NSUN7: variants seen among roughly 807,000 people sequenced by gnomAD.
NSUN7 encodes the protein protein NSUN7.
NSUN7 carries 39 observed loss-of-function variants against 58.5 expected under a neutral mutation model. The observed-to-expected ratio is 0.67, with a 90% confidence interval of 0.52 to 0.87. NSUN7 has a LOEUF of 0.87. Ranked by LOEUF, NSUN7 falls within the 40% of genes least tolerant of loss-of-function variation. The pLI is 0.00. For synonymous variants in NSUN7, 278 were observed against 303.7 expected, an observed-to-expected ratio of 0.92 and a Z score of 0.88; for missense variants, 765 against 844.1, an observed-to-expected ratio of 0.91 and a Z score of 1.16.
chr4:40,795,996 A>G (rs1233051161), intron 9 of NSUN7, among the ~76,000 whole-genome samples: 1 of 152,176 alleles, frequency 6.6e-6, no homozygotes, highest in Non-Finnish European at 1.5e-5. Flanking sequence ...CTTTGACCAG[A>G]GCAACAAGGG....
intron 9 of NSUN7, 50 bp from the exon 10 acceptor site, chr4:40,798,737 T>C (rs527259578): frequency 9.7e-7 from 1 of 1,032,674 alleles, no homozygotes; most frequent in South Asian, 1.4e-5. Flanking sequence ...CACATTTGTA[T>C]AGGATTGTTA....
At chr4:40,757,298 G>A (rs551244984) in intron 2 of NSUN7, among the ~76,000 whole-genome samples, 16 of 152,084 alleles carry the variant, frequency 1.1e-4, no homozygotes, top group African/African-American at 3.4e-4. Context: ...TATAAAATAG[G>A]CTTTGTGTTG....
chr4:40,751,466 G>A lies in NSUN7; in HGVS notation c.298+475G>A, dbSNP rs116399248. On this transcript the variant is annotated intron_variant, in intron 2 of 11. Transcript: ENST00000381782. ...CCATTCCCTGTGTTTACCTTTTTTGGTATTTTAGTTTATGAGCTTTCACAA... is the reference window on the plus strand; with the variant it reads ...CCATTCCCTGTGTTTACCTTTTTTGATATTTTAGTTTATGAGCTTTCACAA... Among the ~76,000 whole-genome samples, 275 of 152,020 alleles carry A rather than the reference G, an allele frequency of 1.8e-3. 3 individuals carry two copies. The highest frequency in any genetic ancestry group is 6.3e-3 in the African/African-American group (262 of 41,460).
At chr4:40,777,960 T>C (rs980673774) in intron 7 of NSUN7, among the ~76,000 whole-genome samples, 4 of 152,236 alleles carry the variant, frequency 2.6e-5, no homozygotes, top group African/African-American at 9.6e-5. Context: ...TGTCAAATTT[T>C]AGAATTTTAG....
chr4:40,752,754 C>G (rs1261673570), intron 2 of NSUN7, among the ~76,000 whole-genome samples: 2 of 13,814 alleles, frequency 1.4e-4, no homozygotes, highest in African/African-American at 1.8e-3. Context: ...AAAAAAAATG[C>G]TCAGTTGAAT....
At chr4:40,793,864 TA>T (rs1294587995) in intron 8 of NSUN7, among the ~76,000 whole-genome samples, 2 of 152,214 alleles carry the variant, frequency 1.3e-5, no homozygotes, top group Non-Finnish European at 2.9e-5. Flanking sequence ...TTTCAAAAAT[TA>T]AAAAATGTAA....
At chr4:40,754,302 A>G (rs1309123846) in intron 2 of NSUN7, among the ~76,000 whole-genome samples, 2 of 152,010 alleles carry the variant, frequency 1.3e-5, no homozygotes, top group Admixed American at 6.6e-5. Context: ...ACCTGCCACC[A>G]TGCCCAGCTA....
Position 40,774,920 on chromosome 4 carries a change from T to C in NSUN7, c.795T>C (p.Asp265=). ...TTAAAAATGATCTTATAAATATAGA[T>C]CTTTTCAAAGATTACAAACTTATAT... is the stretch of plus-strand genomic sequence containing the variant. ...SHLKNDLINI[D]LFKDYKLIFQ... is the part of the protein sequence containing the mutation. The change falls in exon 6 of 12, where the codon GAT becomes GAC. Residue 265 remains aspartate, a synonymous_variant. Transcript: ENST00000381782. 1 of 1,218,220 alleles carries C rather than the reference T, an allele frequency of 8.2e-7. No homozygotes were observed. The highest frequency in any genetic ancestry group is 1.2e-6 in the Non-Finnish European group (1 of 831,692). The allele number at this position is 1,218,220 out of a possible 1,614,324, so 75.5% of individuals were successfully genotyped here.
chr4:40,774,546 G>C, intron 5 of NSUN7, 129 bp downstream of exon 5: 1 of 911,040 alleles, frequency 1.1e-6, no homozygotes, highest in Non-Finnish European at 1.7e-6. Context: ...TCAGAGTTAA[G>C]TTCCAGAGCT....
intron 10 of NSUN7, among the ~76,000 whole-genome samples, chr4:40,802,947 C>T (rs1371613891): frequency 8.8e-6 from 1 of 113,842 alleles, no homozygotes; most frequent in Non-Finnish European, 1.7e-5. Flanking sequence ...TCCCCCCACC[C>T]CACAACAGTC....
In NSUN7 at chr4:40,775,904, TAGAC is replaced by T; in HGVS notation, c.826-143_826-140del. 2.0e-6 allele frequency: 1 copy of T among 508,758 alleles called. No homozygotes were observed. The highest frequency in any genetic ancestry group is 3.4e-6 in the Non-Finnish European group (1 of 290,530). 31.5% of individuals were successfully genotyped at this position (508,758 alleles called of 1,614,324 possible). A position where few individuals can be genotyped will look rare whatever the true frequency, so the allele number is the denominator to read the frequency against. ...CAGTTGTCTTTGTTAACTCTTTACTTAGACATATATTAAGATGTTAAAACTAAAA... is the reference window on the plus strand; with the variant it reads ...CAGTTGTCTTTGTTAACTCTTTACTTATATATTAAGATGTTAAAACTAAAA... On this transcript the variant is annotated intron_variant, in intron 6 of 11. Transcript: ENST00000381782. This position sits in a 1 kb window ranked among gnomAD's most constrained non-coding sequence, Gnocchi z 4.3.
chr4:40,751,616 A>G (rs1326589369), intron 2 of NSUN7, among the ~76,000 whole-genome samples: 1 of 152,216 alleles, frequency 6.6e-6, no homozygotes, highest in East Asian at 1.9e-4. Context: ...ATTCATAGCC[A>G]CTAGCTTTAA....
chr4:40,752,816 CAG>C (rs1185464035), intron 2 of NSUN7, among the ~76,000 whole-genome samples: 9 of 7,910 alleles, frequency 1.1e-3, no homozygotes, highest in African/African-American at 2.6e-3. Flanking sequence ...TGGTTGTCTG[CAG>C]AGAGTCTCTT....
At chr4:40,798,442 C>T (rs572749633) in intron 9 of NSUN7, among the ~76,000 whole-genome samples, 2 of 152,188 alleles carry the variant, frequency 1.3e-5, no homozygotes, top group Non-Finnish European at 2.9e-5. Flanking sequence ...TTTCTAGAGT[C>T]CTTTAAACTA....
chr4:40,803,036 G>C (rs972331095), intron 10 of NSUN7, among the ~76,000 whole-genome samples: 3 of 147,410 alleles, frequency 2.0e-5, no homozygotes, highest in Non-Finnish European at 4.4e-5. Flanking sequence ...AACACGTGGT[G>C]TTTGGTTTTT....
At chr4:40,790,082 T>TTTTTTC (rs1553919190) in intron 7 of NSUN7, among the ~76,000 whole-genome samples, 5 of 137,240 alleles carry the variant, frequency 3.6e-5, no homozygotes, top group Non-Finnish European at 6.5e-5. Flanking sequence ...TTTTTTTTTT[T>TTTTTTC]CTGGAGAGAA....
intron 3 of NSUN7, among the ~76,000 whole-genome samples, chr4:40,760,862 CAAAA>C (rs540410744): frequency 1.7e-5 from 1 of 60,196 alleles, no homozygotes; most frequent in Non-Finnish European, 3.7e-5. Context: ...AACTCCGTCT[CAAAA>C]AAAAAAAAAA....
chr4:40,751,948 A>T (rs1740856804), intron 2 of NSUN7, among the ~76,000 whole-genome samples: 1 of 152,166 alleles, frequency 6.6e-6, no homozygotes, highest in East Asian at 1.9e-4. Context: ...GTGAGCCAAG[A>T]TGGTGTCATT....
intron 2 of NSUN7, among the ~76,000 whole-genome samples, chr4:40,753,863 T>C (rs1193654802): frequency 6.6e-6 from 1 of 152,020 alleles, no homozygotes; most frequent in Non-Finnish European, 1.5e-5. Context: ...AAGGGGGAGT[T>C]TCCCTGCACA....
Sources: gnomAD v4.1 joint callset for allele counts (sites outside exome capture counted in the v4.1 genomes callset) on GRCh38, gnomAD v4.1.1 for gene constraint, Gnocchi (gnomAD v3.1) non-coding constraint, MANE v1.5 for transcripts, NCBI Gene and HGNC (gene_info 2026-07-23, HGNC 2026-07-21) for gene names.